Variants in SLCO3A1 observed in about 807,000 individuals in gnomAD.
The protein encoded by SLCO3A1 is PGE1 transporter.
SLCO3A1 carries 27 observed loss-of-function variants against 63.1 expected under a neutral mutation model. The observed-to-expected ratio is 0.43, with a 90% CI of 0.32 to 0.59. The LOEUF is 0.59. Ranked by LOEUF, SLCO3A1 falls within the 20% of genes least tolerant of loss-of-function variation. The probability of loss-of-function intolerance (pLI) is 0.09; values close to 1 mark genes in which losing one functional copy is unlikely to be tolerated. For missense variants in SLCO3A1, 773 were observed against 945.8 expected, an observed-to-expected ratio of 0.82 and a Z score of 2.40; for synonymous variants, 473 against 409.9, an observed-to-expected ratio of 1.15 and a Z score of -1.86.
intron 2 of SLCO3A1, among the ~76,000 whole-genome samples, chr15:92,061,543 A>C (rs1597273006): frequency 6.6e-6 from 1 of 152,176 alleles, no homozygotes; most frequent in South Asian, 2.1e-4. Context: ...GTGTCCTCTT[A>C]CTGGGATTAG....
chr15:92,010,261 T>C (rs897808392), intron 2 of SLCO3A1, among the ~76,000 whole-genome samples: 1 of 152,222 alleles, frequency 6.6e-6, no homozygotes, highest in African/African-American at 2.4e-5. Flanking sequence ...CAAATAACGT[T>C]ACTCTTGGAA....
intron 2 of SLCO3A1, among the ~76,000 whole-genome samples, chr15:91,993,841 C>A (rs1351284855): frequency 6.6e-6 from 1 of 152,180 alleles, no homozygotes; most frequent in Non-Finnish European, 1.5e-5. Flanking sequence ...GGATCGCTTG[C>A]TCTGGAGGGA....
At chr15:91,978,820 T>C (rs1246755894) in intron 2 of SLCO3A1, among the ~76,000 whole-genome samples, 1 of 152,246 alleles carries the variant, frequency 6.6e-6, no homozygotes, top group Non-Finnish European at 1.5e-5. Flanking sequence ...CAGTATCATC[T>C]AGTTCAAGGG....
Position 92,165,677 on chromosome 15 carries a change from G to A in SLCO3A1, c.*2542G>A. ...CTGTTGCAGGATGGCTCTGAATTCT[G>A]TTGTGTCGTCTTTTAAAATTTTAAT... On this transcript the variant is annotated 3_prime_UTR_variant, in exon 10 of 10. Coordinates refer to ENST00000318445, the MANE Select transcript of SLCO3A1 (RefSeq NM_013272.4). The A allele has an allele frequency of 1.0e-6, 1 of 985,354 alleles. No individual in the cohort carries two copies. Among genetic ancestry groups the A allele is most frequent in the Non-Finnish European group, 1.2e-6 (1 of 829,874 alleles). 61.0% of individuals were successfully genotyped at this position (985,354 alleles called of 1,614,324 possible). A position where few individuals can be genotyped will look rare whatever the true frequency, so the allele number is the denominator to read the frequency against.
At chr15:91,977,203 A>G (rs1268441512) in intron 2 of SLCO3A1, among the ~76,000 whole-genome samples, 3 of 152,186 alleles carry the variant, frequency 2.0e-5, no homozygotes, top group African/African-American at 7.2e-5. Flanking sequence ...TGTCAGTGCA[A>G]TGAGACCAGC....
At chr15:92,092,075 G>A (rs759929668) in intron 2 of SLCO3A1, among the ~76,000 whole-genome samples, 9 of 152,130 alleles carry the variant, frequency 5.9e-5, no homozygotes, top group East Asian at 1.9e-4. Flanking sequence ...CTTGAGGGAC[G>A]CCCCTCCTTT....
chr15:91,880,318 A>G (rs1174774038), intron 1 of SLCO3A1, among the ~76,000 whole-genome samples: 1 of 151,842 alleles, frequency 6.6e-6, no homozygotes, highest in East Asian at 1.9e-4. Flanking sequence ...TAACACCACA[A>G]TTAGGAAATT....
rs567926447 is a variant in SLCO3A1 at position 91,944,890 on chromosome 15, T to C, written c.646+28432T>C. 2.4e-4 allele frequency among the ~76,000 whole-genome samples: 36 copies of C among 152,274 alleles called. 1 individual carries two copies. In the East Asian group the frequency reaches 6.8e-3, roughly 29 times the overall value. On this transcript the variant is annotated intron_variant, in intron 2 of 9. Transcript: ENST00000318445. ...CCTTGCACTTCCCTTAAGCTTTCTG[T>C]AGTACATGTTAAGATTCCTCTGCCA...
intron 8 of SLCO3A1, among the ~76,000 whole-genome samples, chr15:92,148,513 C>CTAAG (rs2048260424): frequency 6.6e-6 from 1 of 152,140 alleles, no homozygotes; most frequent in Admixed American, 6.5e-5. Flanking sequence ...TTTATACTTA[C>CTAAG]TAAGTTTGAA....
intron 2 of SLCO3A1, among the ~76,000 whole-genome samples, chr15:92,047,556 AT>A (rs2046897868): frequency 4.0e-5 from 1 of 25,224 alleles, no homozygotes; most frequent in Non-Finnish European, 5.8e-5. Flanking sequence ...ATATAAATAT[AT>A]AAATATATAT....
rs200441873 is a variant in SLCO3A1 at position 92,162,962 on chromosome 15, C to T, written c.1960C>T (p.Arg654Cys). Residue 654 changes from arginine to cysteine, a missense_variant, in exon 10 of 10, where the codon CGC becomes TGC. By Grantham distance (180) the Arg-to-Cys change is radical (BLOSUM62 -3). This residue lies in a region of SLCO3A1 where 139 missense variants were observed against 131.4 expected (regional missense o/e 1.06). Coordinates refer to ENST00000318445, the MANE Select transcript of SLCO3A1 (RefSeq NM_013272.4). ...TWQCLRKNYK[R>C]YIKNHEGGLS... ...GCAGTGCCTGAGGAAAAACTATAAA[C>T]GCTACATCAAAAACCACGAGGGCGG... is the stretch of plus-strand genomic sequence containing the variant. The T allele has an allele frequency of 7.2e-5, 116 of 1,614,166 alleles. No homozygotes were observed. Among genetic ancestry groups the T allele is most frequent in the South Asian group, 3.6e-4 (33 of 91,082 alleles).
At chr15:92,024,412 C>G (rs1369544019) in intron 2 of SLCO3A1, among the ~76,000 whole-genome samples, 1 of 152,198 alleles carries the variant, frequency 6.6e-6, no homozygotes, top group Non-Finnish European at 1.5e-5. Context: ...TATGGACATA[C>G]TGTGCTGTCT....
At chr15:91,935,599 G>A (rs962372612) in intron 2 of SLCO3A1, among the ~76,000 whole-genome samples, 3 of 152,272 alleles carry the variant, frequency 2.0e-5, no homozygotes, top group Admixed American at 6.5e-5. Flanking sequence ...ATGGAGTAAC[G>A]CCTCAGCTTT....
chr15:92,098,425 C>A (rs931073526), intron 3 of SLCO3A1, among the ~76,000 whole-genome samples: 3 of 152,154 alleles, frequency 2.0e-5, no homozygotes, highest in Admixed American at 6.5e-5. Context: ...TAAATCCCTC[C>A]CCTGAGAGCT....
rs117072736 is a variant in SLCO3A1 at position 91,869,979 on chromosome 15, T to C, written c.180+15891T>C. Reference sequence around the variant, plus strand: ...TGCATCCTGAGGGCTGTTCACAGAATTGGGGGAGAAGGGGGTCAGGGCAAG... The same window carrying C: ...TGCATCCTGAGGGCTGTTCACAGAACTGGGGGAGAAGGGGGTCAGGGCAAG... On this transcript the variant is annotated intron_variant, in intron 1 of 9. Coordinates refer to ENST00000318445, the MANE Select transcript of SLCO3A1 (RefSeq NM_013272.4). Among the ~76,000 whole-genome samples the C allele has an allele frequency of 9.0e-3, 1,373 of 152,162 alleles. 9 individuals are homozygous for C. Among genetic ancestry groups the C allele is most frequent in the Non-Finnish European group, 0.013 (877 of 67,990 alleles).
Position 91,886,137 on chromosome 15 carries a change from T to A in SLCO3A1, c.181-29856T>A, listed in dbSNP as rs1339319584. 6.6e-6 allele frequency among the ~76,000 whole-genome samples: 1 copy of A among 152,160 alleles called. No homozygotes were observed. Among genetic ancestry groups the A allele is most frequent in the Non-Finnish European group, 1.5e-5 (1 of 68,024 alleles). ...CTAGTACTCCTGCTTACCTCTGCAT[T>A]TTTGCCTTTGATTGTTCCCTTTCTT... On this transcript the variant is annotated intron_variant, in intron 1 of 9. Transcript: ENST00000318445. The surrounding 1 kb of genome is among the most constrained non-coding windows in gnomAD (Gnocchi z 4.9).
At chr15:91,939,360 C>T (rs543575863) in intron 2 of SLCO3A1, among the ~76,000 whole-genome samples, 1 of 152,254 alleles carries the variant, frequency 6.6e-6, no homozygotes, top group Admixed American at 6.5e-5. Context: ...CCAATCACCT[C>T]CCGCCAGGCC....
chr15:92,004,579 A>C (rs12912272), intron 2 of SLCO3A1, among the ~76,000 whole-genome samples: 48,860 of 152,030 alleles, frequency 0.32, 8,099 homozygotes, highest in Admixed American at 0.38. Context: ...GAACACCAAA[A>C]ACCAAAGATA....
intron 1 of SLCO3A1, among the ~76,000 whole-genome samples, chr15:91,879,462 G>C (rs987977395): frequency 5.9e-5 from 9 of 152,062 alleles, no homozygotes; most frequent in African/African-American, 9.7e-5. Context: ...ATGACACTTG[G>C]GAGAAATGAT....
Sources: allele counts gnomAD v4.1 joint callset (sites outside exome capture counted in the v4.1 genomes callset), GRCh38; gene constraint gnomAD v4.1.1; regional missense constraint gnomAD v4.1.1; non-coding constraint Gnocchi (gnomAD v3.1); transcripts MANE v1.5; gene names NCBI Gene and HGNC (gene_info 2026-07-23, HGNC 2026-07-21).